Variants in LINGO1 observed in about 807,000 individuals in gnomAD.
LINGO1 encodes the protein leucine rich repeat and Ig domain containing 1.
LINGO1 carries 11 observed loss-of-function variants against 37.3 expected under a neutral mutation model. That is an observed-to-expected ratio of 0.29 (90% CI 0.19 to 0.49). The LOEUF is 0.49. Among genes scored for constraint, LINGO1 ranks in the 20% least tolerant of loss-of-function variants. The probability of loss-of-function intolerance (pLI) is 0.99; values close to 1 mark genes in which losing one functional copy is unlikely to be tolerated. For synonymous variants in LINGO1, 387 were observed against 403.0 expected (o/e 0.96, Z 0.48); for missense variants, 585 against 878.2 (o/e 0.67, Z 4.22).
At position 77,722,305 on chromosome 15, in the gene LINGO1, G is replaced by A. The variant is rs186232772; in HGVS notation, c.-195+12687C>T. ...ACTCTGGGTTTATCAGGAGGCCCAG[G>A]AACTAGACTGTCCCCCAACAAAAAT... On this transcript the variant is annotated intron_variant, in intron 2 of 3. Coordinates refer to the LINGO1 transcript ENST00000561686. Among the ~76,000 whole-genome samples the A allele has an allele frequency of 7.9e-3, 1,204 of 152,320 alleles. 6 individuals carry two copies. Among genetic ancestry groups the A allele is most frequent in the Admixed American group, 0.014 (208 of 15,306 alleles).
chr15:77,623,723 A>T (rs536981085), intron 1 of LINGO1, among the ~76,000 whole-genome samples: 1 of 151,550 alleles, frequency 6.6e-6, no homozygotes, highest in East Asian at 2.0e-4. Context: ...ATGGGGACAG[A>T]AAAACCAACG....
intron 1 of LINGO1, among the ~76,000 whole-genome samples, chr15:77,738,756 G>GAGGC (rs1567555830): frequency 8.3e-6 from 1 of 120,086 alleles, no homozygotes; most frequent in African/African-American, 3.4e-5. Context: ...CTGAAGGAAG[G>GAGGC]AAGGAAGGAA....
At chr15:77,655,588 C>G (rs1316512310) in intron 3 of LINGO1, among the ~76,000 whole-genome samples, 1 of 152,166 alleles carries the variant, frequency 6.6e-6, no homozygotes. Context: ...CATTTAATGA[C>G]AGCCACTCTG....
chr15:77,682,769 C>T (rs1384833203), intron 2 of LINGO1, among the ~76,000 whole-genome samples: 1 of 152,252 alleles, frequency 6.6e-6, no homozygotes, highest in East Asian at 1.9e-4. Context: ...GCAATCAGAA[C>T]GGCCTTTCCC....
Position 77,646,366 on chromosome 15 carries a change from C to A in LINGO1, c.-12-30466G>T, listed in dbSNP as rs557233058. The A allele has an allele frequency of 9.3e-6, 4 of 431,200 alleles. No homozygotes were observed. In the East Asian group the frequency reaches 3.0e-4, roughly 32 times the overall value. The allele number at this position is 431,200 out of a possible 1,614,324, so 26.7% of individuals were successfully genotyped here. A position where few individuals can be genotyped will look rare whatever the true frequency, so the allele number is the denominator to read the frequency against. On this transcript the variant is annotated intron_variant, in intron 3 of 3. Transcript: ENST00000559893. The stretch of plus-strand genomic sequence containing the variant: ...GATGGACATGGCACCCACATTGGCA[C>A]CCTCTGGTCTTGTCCCCACAGGACA...
At chr15:77,731,131 C>T (rs1293166663) in intron 2 of LINGO1, among the ~76,000 whole-genome samples, 3 of 152,156 alleles carry the variant, frequency 2.0e-5, no homozygotes, top group African/African-American at 2.4e-5. Flanking sequence ...CCCCAGACAC[C>T]CCTCCATCCT....
intron 3 of LINGO1, among the ~76,000 whole-genome samples, chr15:77,674,741 T>C (rs2075302531): frequency 6.6e-6 from 1 of 151,940 alleles, no homozygotes. Context: ...ATGTCCAAGT[T>C]GCCCAACACT....
chr15:77,750,549 T>C (rs890343955), intron 1 of LINGO1, among the ~76,000 whole-genome samples: 2 of 152,008 alleles, frequency 1.3e-5, no homozygotes, highest in Non-Finnish European at 2.9e-5. Context: ...TGCCTGCTTC[T>C]CTCCCTGTCT....
At chr15:77,668,117 A>C (rs1403837897) in intron 3 of LINGO1, 1 of 152,342 alleles carries the variant, frequency 6.6e-6, no homozygotes, top group Non-Finnish European at 1.5e-5. Flanking sequence ...AATGAGGTGC[A>C]AAATCAGGGT....
At chr15:77,717,988 G>T (rs1265272586) in intron 2 of LINGO1, among the ~76,000 whole-genome samples, 2 of 150,960 alleles carry the variant, frequency 1.3e-5, no homozygotes, top group African/African-American at 4.8e-5. Flanking sequence ...AACTTTCCCA[G>T]GGCTGGAGGC....
upstream of LINGO1, among the ~76,000 whole-genome samples, chr15:77,698,552 C>T (rs1282592468): frequency 6.6e-6 from 1 of 152,134 alleles, no homozygotes; most frequent in Non-Finnish European, 1.5e-5. Flanking sequence ...AAAGGGAATG[C>T]CTGACAGTGG....
intron 1 of LINGO1, among the ~76,000 whole-genome samples, chr15:77,772,525 C>T (rs984933948): frequency 2.0e-5 from 3 of 152,088 alleles, no homozygotes; most frequent in Non-Finnish European, 4.4e-5. Flanking sequence ...TCCTGCCAAC[C>T]TGACACCTTG....
chr15:77,661,304 G>T (rs2074987978), intron 3 of LINGO1, among the ~76,000 whole-genome samples: 1 of 152,218 alleles, frequency 6.6e-6, no homozygotes, highest in Non-Finnish European at 1.5e-5. Flanking sequence ...ACTTGCAGAA[G>T]AAGTTCTTGG....
intron 1 of LINGO1, among the ~76,000 whole-genome samples, chr15:77,762,148 G>A (rs2076483877): frequency 6.6e-6 from 1 of 152,210 alleles, no homozygotes; most frequent in East Asian, 1.9e-4. Flanking sequence ...AGGAGAGGCA[G>A]AGGCAGCATT....
At chr15:77,640,353 A>G (rs2074477692) in intron 3 of LINGO1, among the ~76,000 whole-genome samples, 1 of 152,130 alleles carries the variant, frequency 6.6e-6, no homozygotes, top group Admixed American at 6.5e-5. Context: ...ATTCAATCCA[A>G]CGTAATTCAG....
chr15:77,627,135 C>G, intron 1 of LINGO1, among the ~76,000 whole-genome samples: 1 of 152,138 alleles, frequency 6.6e-6, no homozygotes, highest in Non-Finnish European at 1.5e-5. Flanking sequence ...ACCACACACC[C>G]TAATAACATG....
chr15:77,633,559 G>A (rs753625106), upstream of LINGO1, among the ~76,000 whole-genome samples: 3 of 152,190 alleles, frequency 2.0e-5, no homozygotes, highest in Non-Finnish European at 2.9e-5. Context: ...GCGCTGGCCC[G>A]GCAGCTCTAC....
At chr15:77,648,963 C>G (rs1258412397) in intron 3 of LINGO1, 1 of 152,324 alleles carries the variant, frequency 6.6e-6, no homozygotes, top group Non-Finnish European at 1.5e-5. Flanking sequence ...TCCAGGAATC[C>G]TGCACACACA....
intron 2 of LINGO1, among the ~76,000 whole-genome samples, chr15:77,732,446 C>T (rs1301570069): frequency 5.3e-5 from 8 of 152,246 alleles, no homozygotes; most frequent in Non-Finnish European, 1.0e-4. Context: ...CGCTAGCTTG[C>T]GTCCGCATCT....
Sources: gnomAD v4.1 joint callset for allele counts (sites outside exome capture counted in the v4.1 genomes callset) on GRCh38, gnomAD v4.1.1 for gene constraint, MANE v1.5 for transcripts, NCBI Gene and HGNC (gene_info 2026-07-23, HGNC 2026-07-21) for gene names.